The following MMP20 variants were observed in gnomAD, a reference collection of about 807,000 sequenced individuals.
The protein encoded by MMP20 is matrix metalloproteinase-20.
Under a neutral mutation model 51.8 loss-of-function variants are expected in MMP20, and 50 were observed. That is an observed-to-expected ratio of 0.97 (90% CI 0.77 to 1.22). The LOEUF (loss-of-function observed/expected upper bound fraction) is 1.22. Ranked by LOEUF, MMP20 falls within the 50% of genes most tolerant of loss-of-function variation. The probability of loss-of-function intolerance (pLI) is 0.00; values close to 1 mark genes in which losing one functional copy is unlikely to be tolerated. For synonymous variants in MMP20, 244 were observed against 216.2 expected, an observed-to-expected ratio of 1.13 and a Z score of -1.13; for missense variants, 663 against 601.4, an observed-to-expected ratio of 1.10 and a Z score of -1.07.
intron 6 of MMP20, among the ~76,000 whole-genome samples, chr11:102,604,881 G>A (rs1330465918): frequency 2.0e-5 from 3 of 152,028 alleles, no homozygotes; most frequent in East Asian, 3.9e-4. Context: ...AAATCATTGC[G>A]CCCTACTCCC....
At position 102,596,095 on chromosome 11, in the gene MMP20, A is replaced by G. The variant is rs1372585500; in HGVS notation, c.954-1338T>C. On this transcript the variant is annotated intron_variant, in intron 6 of 9. Coordinates refer to ENST00000260228, the MANE Select transcript of MMP20 (RefSeq NM_004771.4). The stretch of plus-strand genomic sequence containing the variant: ...CGGCCCTGCCCTCAATATGTTTACA[A>G]TCTAATAGTAGAGACTGATTAGTAA... 3.3e-5 allele frequency among the ~76,000 whole-genome samples: 5 copies of G among 152,338 alleles called. No homozygotes were observed. The South Asian group carries it at 1.0e-3, about 32-fold the overall frequency.
chr11:102,599,433 C>T (rs569912214), intron 6 of MMP20, among the ~76,000 whole-genome samples: 248 of 152,282 alleles, frequency 1.6e-3, no homozygotes, highest in Non-Finnish European at 2.3e-3. Context: ...GGCTGTGTGA[C>T]CTCGTGTGAG....
intron 8 of MMP20, among the ~76,000 whole-genome samples, chr11:102,579,966 G>T (rs1859174742): frequency 6.6e-6 from 1 of 152,172 alleles, no homozygotes; most frequent in Non-Finnish European, 1.5e-5. Flanking sequence ...TGGAGAAAGG[G>T]TTGAACAAAT....
intron 1 of MMP20, among the ~76,000 whole-genome samples, chr11:102,622,530 C>T (rs1295088261): frequency 6.6e-6 from 1 of 152,180 alleles, no homozygotes; most frequent in East Asian, 1.9e-4. Context: ...TCAAAGTTCA[C>T]TTCCTCCGAG....
Position 102,585,615 on chromosome 11 carries a change from C to T in MMP20, c.1248-6473G>A, listed in dbSNP as rs542337238. Among the ~76,000 whole-genome samples the T allele has an allele frequency of 7.2e-5, 11 of 152,222 alleles. No individual in the cohort carries two copies. In the East Asian group the frequency reaches 1.9e-3, roughly 27 times the overall value. ...ATTTCATTCGTTCTTGCTTAATTCT[C>T]TTGGTTAGGACCTCCAGTACAATGT... On this transcript the variant is annotated intron_variant, in intron 8 of 9. Coordinates refer to ENST00000260228, the MANE Select transcript of MMP20 (RefSeq NM_004771.4).
At chr11:102,583,286 T>C (rs1338101502) in intron 8 of MMP20, among the ~76,000 whole-genome samples, 1 of 152,210 alleles carries the variant, frequency 6.6e-6, no homozygotes, top group Non-Finnish European at 1.5e-5. Context: ...TCTGGCAGAA[T>C]TCTTGCAATA....
intron 8 of MMP20, among the ~76,000 whole-genome samples, chr11:102,586,283 T>C (rs1248181952): frequency 6.6e-6 from 1 of 152,220 alleles, no homozygotes; most frequent in Admixed American, 6.5e-5. Context: ...GCCTGGGCTT[T>C]TCTTTGTGGA....
At chr11:102,600,101 C>T (rs114013587) in intron 6 of MMP20, among the ~76,000 whole-genome samples, 295 of 152,260 alleles carry the variant, frequency 1.9e-3, no homozygotes, top group African/African-American at 6.7e-3. Context: ...CACAGAGAAC[C>T]GCTCTAAGTA....
In MMP20 at chr11:102,616,817, T is replaced by C. The variant is rs747979171; in HGVS notation, c.369A>G (p.Thr123=). 6 of 1,614,096 alleles carry C rather than the reference T, an allele frequency of 3.7e-6. No individual in the cohort carries two copies. Among genetic ancestry groups the C allele is most frequent in the Non-Finnish European group, 5.1e-6 (6 of 1,180,036 alleles). Residue 123 remains threonine, a synonymous_variant, in exon 2 of 10, where the codon ACA becomes ACG. Coordinates refer to ENST00000260228, the MANE Select transcript of MMP20 (RefSeq NM_004771.4). Reference sequence around the variant, plus strand: ...GAAAGACTTGATCTCATTACCTGTATGTCAAAGTATTTTTTTTCCATTTGG... The same window carrying C: ...GAAAGACTTGATCTCATTACCTGTACGTCAAAGTATTTTTTTTCCATTTGG... ...GEPKWKKNTL[T]YRISKYTPSM...
chr11:102,586,598 G>T (rs1859257373), intron 8 of MMP20, among the ~76,000 whole-genome samples: 1 of 152,076 alleles, frequency 6.6e-6, no homozygotes, highest in Non-Finnish European at 1.5e-5. Context: ...CGGATCACGA[G>T]GTCAGGAGAT....
intron 6 of MMP20, among the ~76,000 whole-genome samples, chr11:102,599,126 C>T (rs1349143393): frequency 2.0e-5 from 3 of 151,748 alleles, no homozygotes; most frequent in Non-Finnish European, 4.4e-5. Context: ...GATTCTCCTG[C>T]CTCAGCCTCC....
chr11:102,605,867 C>A (rs1859508262), intron 6 of MMP20, among the ~76,000 whole-genome samples: 1 of 152,162 alleles, frequency 6.6e-6, no homozygotes, highest in Non-Finnish European at 1.5e-5. Flanking sequence ...GAGTAACCAG[C>A]ATCATGGAGA....
chr11:102,610,074 G>A (rs748820270), intron 3 of MMP20, 44 bp from the exon 4 acceptor site: 6 of 1,610,858 alleles, frequency 3.7e-6, no homozygotes, highest in Non-Finnish European at 5.1e-6. Flanking sequence ...AGTCCTTCTA[G>A]AAATTCTGAG....
In MMP20 at chr11:102,606,518, G is replaced by A. The variant is rs1218341641; in HGVS notation, c.953+17C>T. ...AGATGAGGCCCAATGAGAGTCGGTG[G>A]CGTGTCTGAGGCTTACCGGTCCTTG... On this transcript the variant is annotated intron_variant, in intron 6 of 9. Transcript: ENST00000260228. 1.9e-6 allele frequency: 3 copies of A among 1,613,496 alleles called. No individual in the cohort carries two copies. The highest frequency in any genetic ancestry group is 1.3e-5 in the African/African-American group (1 of 74,968).
Position 102,611,867 on chromosome 11 carries a change from C to T in MMP20, c.411G>A (p.Glu137=). The T allele has an allele frequency of 6.2e-7, 1 of 1,614,166 alleles. No individual in the cohort carries two copies. The change falls in exon 3 of 10, where the codon GAG becomes GAA. Residue 137 remains glutamate (E), a synonymous_variant. Coordinates refer to ENST00000260228, the MANE Select transcript of MMP20 (RefSeq NM_004771.4). ...AGGCCATCTCCACTGCTTTGTCCAC[C>T]TCGACAGAACTCATGGAAGGTGTGT... ...SKYTPSMSSV[E]VDKAVEMALQ... is the part of the protein sequence containing the mutation.
At chr11:102,610,850 G>A (rs754874079) in intron 3 of MMP20, among the ~76,000 whole-genome samples, 1 of 151,726 alleles carries the variant, frequency 6.6e-6, no homozygotes, top group Non-Finnish European at 1.5e-5. Context: ...TGCACACACC[G>A]AGGACTTCAT....
chr11:102,604,220 T>C (rs533167598), intron 6 of MMP20, among the ~76,000 whole-genome samples: 1 of 152,288 alleles, frequency 6.6e-6, no homozygotes, highest in East Asian at 1.9e-4. Flanking sequence ...TCTGGGAGTG[T>C]GGAGCCTGAC....
At chr11:102,603,831 A>G (rs945317514) in intron 6 of MMP20, among the ~76,000 whole-genome samples, 1 of 152,162 alleles carries the variant, frequency 6.6e-6, no homozygotes, top group Non-Finnish European at 1.5e-5. Context: ...AGATACGTAC[A>G]TTGTAGCAGG....
At chr11:102,604,740 T>C (rs1356152297) in intron 6 of MMP20, among the ~76,000 whole-genome samples, 1 of 152,228 alleles carries the variant, frequency 6.6e-6, no homozygotes, top group Non-Finnish European at 1.5e-5. Flanking sequence ...TAAGTAATGA[T>C]ATATCTATTC....
Sources: gnomAD v4.1 joint callset for allele counts (sites outside exome capture counted in the v4.1 genomes callset) on GRCh38, gnomAD v4.1.1 for gene constraint, MANE v1.5 for transcripts, NCBI Gene and HGNC (gene_info 2026-07-23, HGNC 2026-07-21) for gene names.